The following PTPRN2 variants were observed in gnomAD, a reference collection of about 807,000 sequenced individuals.
PTPRN2 encodes receptor-type tyrosine-protein phosphatase N2.
PTPRN2 carries 74 observed loss-of-function variants against 118.8 expected under a neutral mutation model. The ratio of observed to expected loss-of-function variants is 0.62; its 90% CI spans 0.52 to 0.76. The LOEUF is 0.76. PTPRN2 is among the 30% of genes least tolerant of loss of function. The pLI is 0.00. For missense variants in PTPRN2, 1,481 were observed against 1,394.4 expected (o/e 1.06, Z -0.99); for synonymous variants, 641 against 608.0 (o/e 1.05, Z -0.80).
intron 11 of PTPRN2, among the ~76,000 whole-genome samples, chr7:157,932,957 T>TTATTGA (rs1799457079): frequency 6.8e-6 from 1 of 147,722 alleles, no homozygotes; most frequent in African/African-American, 2.5e-5. Context: ...GGTGAGTCAC[T>TTATTGA]CATTGACAGT....
chr7:157,973,278 G>A (rs772650599), intron 11 of PTPRN2, among the ~76,000 whole-genome samples: 16 of 151,962 alleles, frequency 1.1e-4, no homozygotes, highest in Non-Finnish European at 2.1e-4. Flanking sequence ...TGGGCTGATA[G>A]GACAGACACA....
At chr7:158,078,130 C>G (rs1195607627) in intron 11 of PTPRN2, among the ~76,000 whole-genome samples, 1 of 152,192 alleles carries the variant, frequency 6.6e-6, no homozygotes, top group Non-Finnish European at 1.5e-5. Context: ...ATCAATACCA[C>G]GTGACGTTTG....
At chr7:157,942,722 G>T (rs1800225704) in intron 11 of PTPRN2, among the ~76,000 whole-genome samples, 1 of 152,018 alleles carries the variant, frequency 6.6e-6, no homozygotes, top group South Asian at 2.1e-4. Context: ...ACAACCCTGT[G>T]CTCACGGAGA....
At chr7:157,677,404 T>G (rs1796720164) in intron 13 of PTPRN2, among the ~76,000 whole-genome samples, 1 of 152,206 alleles carries the variant, frequency 6.6e-6, no homozygotes, top group South Asian at 2.1e-4. Flanking sequence ...GTTTTATGTT[T>G]AGAGGTTTCT....
chr7:158,214,655 C>G (rs1465784460), intron 3 of PTPRN2, among the ~76,000 whole-genome samples: 1 of 152,064 alleles, frequency 6.6e-6, no homozygotes, highest in East Asian at 1.9e-4. Flanking sequence ...CAGAGAAGGC[C>G]AAGTAGGGAT....
chr7:158,267,394 C>T lies in PTPRN2; in HGVS notation c.277+49425G>A, dbSNP rs917727515. 2.6e-5 allele frequency among the ~76,000 whole-genome samples: 4 copies of T among 152,278 alleles called. No homozygotes were observed. The South Asian group carries it at 6.2e-4, about 24-fold the overall frequency. The stretch of plus-strand genomic sequence containing the variant: ...GGTGTGTGCTCTCTCCATCTGGAGC[C>T]GCCTGGAAGCCAGGGAGCATGTTTT... On this transcript the variant is annotated intron_variant, in intron 3 of 22. Transcript: ENST00000389418.
chr7:158,139,044 G>A (rs991155191), intron 6 of PTPRN2, among the ~76,000 whole-genome samples: 1 of 152,074 alleles, frequency 6.6e-6, no homozygotes, highest in African/African-American at 2.4e-5. Context: ...GCCACACAGG[G>A]TCAAAGCCTC....
intron 2 of PTPRN2, among the ~76,000 whole-genome samples, chr7:158,417,982 A>G (rs113200744): frequency 5.0e-4 from 57 of 114,304 alleles, no homozygotes; most frequent in Admixed American, 1.5e-3. Flanking sequence ...TCAGTGTCCC[A>G]CTGTGTTAAG....
intron 21 of PTPRN2, among the ~76,000 whole-genome samples, chr7:157,562,149 TGCCCAGGGCTCTGGGGACAGCTC>T (rs1181001659): frequency 3.9e-5 from 6 of 152,248 alleles, no homozygotes; most frequent in South Asian, 4.1e-4. Context: ...GTGGCCAGGT[TGCCCAGGGCTCTGGGGACAGCTC>T]GCCCAGGGCT....
chr7:158,112,859 G>A (rs1296559552), intron 9 of PTPRN2, among the ~76,000 whole-genome samples: 1 of 152,178 alleles, frequency 6.6e-6, no homozygotes, highest in African/African-American at 2.4e-5. Context: ...GGCCACAGCA[G>A]GGCGTCCAGG....
intron 1 of PTPRN2, among the ~76,000 whole-genome samples, chr7:158,557,339 G>A (rs1413100586): frequency 1.4e-5 from 2 of 147,594 alleles, no homozygotes; most frequent in Admixed American, 6.7e-5. Context: ...CGGCTCCCGC[G>A]CAGGTCAGAC....
At chr7:157,955,778 C>T (rs1009987281) in intron 11 of PTPRN2, among the ~76,000 whole-genome samples, 9 of 152,226 alleles carry the variant, frequency 5.9e-5, no homozygotes, top group African/African-American at 2.2e-4. Flanking sequence ...TCTGCATTCC[C>T]ATCCCTTCAT....
intron 12 of PTPRN2, among the ~76,000 whole-genome samples, chr7:157,885,270 A>G (rs971372550): frequency 1.6e-4 from 24 of 152,114 alleles, no homozygotes; most frequent in African/African-American, 5.8e-4. Flanking sequence ...CTCCATGTTC[A>G]CTGTCTCGGG....
At chr7:158,341,650 C>T (rs1488926900) in intron 2 of PTPRN2, among the ~76,000 whole-genome samples, 3 of 92,934 alleles carry the variant, frequency 3.2e-5, no homozygotes, top group Admixed American at 2.0e-4. Context: ...GCAGACGTCA[C>T]TCACACCCAC....
At chr7:158,332,000 A>G (rs1198194776) in intron 2 of PTPRN2, among the ~76,000 whole-genome samples, 1 of 151,238 alleles carries the variant, frequency 6.6e-6, no homozygotes, top group East Asian at 1.9e-4. Context: ...CACTCTCTCC[A>G]TAAGAGCTGA....
At chr7:157,682,961 G>C (rs1395119942) in intron 12 of PTPRN2, 24 bp from the exon 13 acceptor site, 1 of 1,560,750 alleles carries the variant, frequency 6.4e-7, no homozygotes, top group East Asian at 2.2e-5. Context: ...AGAGAGGGGT[G>C]TGTTAGCTCC....
chr7:158,446,039 G>A lies in PTPRN2; in HGVS notation c.163+43696C>T, dbSNP rs149493517. Among the ~76,000 whole-genome samples the A allele has an allele frequency of 8.1e-3, 1,235 of 152,226 alleles. 14 individuals carry two copies. The highest frequency in any genetic ancestry group is 0.028 in the African/African-American group (1,160 of 41,540). On this transcript the variant is annotated intron_variant, in intron 2 of 22. Transcript: ENST00000389418. The stretch of plus-strand genomic sequence containing the variant: ...CACCCCACGTGAGAACTCAGGACAC[G>A]TGAGAACCCAGGACACTCAGCGTGG...
At position 157,540,732 on chromosome 7, in the gene PTPRN2, G is replaced by A; in HGVS notation, c.3030C>T (p.Leu1010=). Residue 1010 remains leucine (L), a synonymous_variant, in exon 23 of 23, where the codon CTC becomes CTT. Transcript: ENST00000389418. ...TAVAEEVNAI[L]KALPQ ...CTGCCGCTCACTGGGGAAGGGCCTT[G>A]AGGATGGCGTTCACCTCCTCAGCCA... 6.4e-7 allele frequency: 1 copy of A among 1,566,882 alleles called. No individual in the cohort carries two copies. Among genetic ancestry groups the A allele is most frequent in the Non-Finnish European group, 8.7e-7 (1 of 1,155,516 alleles).
chr7:157,772,022 GCACA>G lies in PTPRN2; in HGVS notation c.1789-89089_1789-89086del, dbSNP rs1247287393. Among the ~76,000 whole-genome samples, 23 of 116,686 alleles carry G rather than the reference GCACA, an allele frequency of 2.0e-4. 1 individual carries two copies. The highest frequency in any genetic ancestry group is 6.7e-4 in the African/African-American group (20 of 30,072). 76.6% of individuals were successfully genotyped at this position (116,686 alleles called of 152,430 possible). A position where few individuals can be genotyped will look rare whatever the true frequency, so the allele number is the denominator to read the frequency against. ...CACACAGATACATACACAGACACACGCACACACAGATGCACAGACACCCACACAT... is the reference window on the plus strand; with the variant it reads ...CACACAGATACATACACAGACACACGCACAGATGCACAGACACCCACACAT... On this transcript the variant is annotated intron_variant, in intron 12 of 22. Transcript: ENST00000389418.
Sources: gnomAD v4.1 joint callset for allele counts (sites outside exome capture counted in the v4.1 genomes callset) on GRCh38, gnomAD v4.1.1 for gene constraint, MANE v1.5 for transcripts, NCBI Gene and HGNC (gene_info 2026-07-23, HGNC 2026-07-21) for gene names.